Variants in MTMR7 observed in about 807,000 individuals in gnomAD.
MTMR7 encodes myotubularin related protein 7.
MTMR7 carries 76 observed loss-of-function variants against 81.2 expected under a neutral mutation model. The observed-to-expected ratio is 0.94, with a 90% CI of 0.78 to 1.13. The LOEUF is 1.13. Ranked by LOEUF, MTMR7 falls within the 50% of genes most tolerant of loss-of-function variation. MTMR7 has a pLI of 0.00. For synonymous variants in MTMR7, 372 were observed against 289.8 expected (o/e 1.28, Z -2.88); for missense variants, 1,044 against 820.0 (o/e 1.27, Z -3.34).
chr8:17,355,491 A>T (rs188083933), intron 4 of MTMR7, among the ~76,000 whole-genome samples: 2 of 152,186 alleles, frequency 1.3e-5, no homozygotes, highest in Non-Finnish European at 2.9e-5. Context: ...CATAATAATC[A>T]TAACTGGTAA....
chr8:17,383,230 A>G (rs2150573501), intron 1 of MTMR7, among the ~76,000 whole-genome samples: 2 of 152,296 alleles, frequency 1.3e-5, no homozygotes, highest in South Asian at 4.2e-4. Flanking sequence ...CAGGCAATCC[A>G]GGATGAATTT....
intron 3 of MTMR7, among the ~76,000 whole-genome samples, chr8:17,368,821 G>A (rs1339346764): frequency 6.6e-6 from 1 of 152,194 alleles, no homozygotes; most frequent in African/African-American, 2.4e-5. Flanking sequence ...CTTAGGTGAT[G>A]GCTTTGATTC....
At chr8:17,410,984 T>A (rs1188057892) in intron 1 of MTMR7, among the ~76,000 whole-genome samples, 1 of 152,182 alleles carries the variant, frequency 6.6e-6, no homozygotes, top group Non-Finnish European at 1.5e-5. Flanking sequence ...GAAGGAAATT[T>A]ACCTATAGTT....
intron 4 of MTMR7, among the ~76,000 whole-genome samples, chr8:17,350,661 A>C (rs546200768): frequency 3.3e-4 from 50 of 152,256 alleles, no homozygotes; most frequent in African/African-American, 1.1e-3. Flanking sequence ...CACCTTTATC[A>C]CTCTGGAAGA....
chr8:17,405,705 C>G (rs530467759), intron 1 of MTMR7, among the ~76,000 whole-genome samples: 2 of 151,822 alleles, frequency 1.3e-5, no homozygotes, highest in Non-Finnish European at 2.9e-5. Flanking sequence ...CCTCCAGACA[C>G]TAAATAATGT....
intron 1 of MTMR7, among the ~76,000 whole-genome samples, chr8:17,378,554 A>G (rs1015473339): frequency 2.6e-5 from 4 of 152,206 alleles, no homozygotes; most frequent in Non-Finnish European, 5.9e-5. Context: ...AGGGAGAGCT[A>G]AGACTAAGGA....
chr8:17,383,954 C>T (rs556748723), intron 1 of MTMR7, among the ~76,000 whole-genome samples: 1 of 152,220 alleles, frequency 6.6e-6, no homozygotes, highest in South Asian at 2.1e-4. Flanking sequence ...TAGAAATTCT[C>T]AAGTCATTTT....
At chr8:17,389,046 G>A (rs1022638035) in intron 1 of MTMR7, among the ~76,000 whole-genome samples, 2 of 152,142 alleles carry the variant, frequency 1.3e-5, no homozygotes, top group African/African-American at 2.4e-5. Context: ...AATAAGCAAA[G>A]CTGCATGATT....
chr8:17,358,678 T>C (rs1029642562), intron 4 of MTMR7, among the ~76,000 whole-genome samples: 2 of 152,148 alleles, frequency 1.3e-5, no homozygotes, highest in African/African-American at 4.8e-5. Flanking sequence ...CTGAATGCAA[T>C]ATAAGGGACT....
At chr8:17,397,633 G>A (rs1380197138) in intron 1 of MTMR7, among the ~76,000 whole-genome samples, 2 of 152,184 alleles carry the variant, frequency 1.3e-5, no homozygotes, top group Admixed American at 1.3e-4. Flanking sequence ...ACCTGCCCAG[G>A]GCCTGGGGGA....
At chr8:17,394,441 G>A (rs1299262718) in intron 1 of MTMR7, among the ~76,000 whole-genome samples, 1 of 152,146 alleles carries the variant, frequency 6.6e-6, no homozygotes, top group African/African-American at 2.4e-5. Flanking sequence ...ACTGAAAGAA[G>A]CCAGTCACAA....
In MTMR7 at chr8:17,304,397, G is replaced by A. The variant is rs1168113154; in HGVS notation, c.1475C>T (p.Pro492Leu). The change falls in exon 12 of 14, where the codon CCA becomes CTA. Residue 492 changes from proline (P) to leucine (L), a missense_variant. Physicochemically the swap from Pro to Leu is moderately conservative, Grantham distance 98. Coordinates refer to ENST00000180173, the MANE Select transcript of MTMR7 (RefSeq NM_004686.5). ...TQGTLHLPTTPCNFMYKFWSG... is the reference protein window; with the variant it reads ...TQGTLHLPTTLCNFMYKFWSG... ...TACATACTTGTACATGAAGTTACAT[G>A]GTGTTGTAGGGAGATGAAGGGTTCC... The A allele has an allele frequency of 1.2e-6, 2 of 1,612,904 alleles. No homozygotes were observed. Among genetic ancestry groups the A allele is most frequent in the Non-Finnish European group, 1.7e-6 (2 of 1,179,092 alleles).
intron 5 of MTMR7, among the ~76,000 whole-genome samples, chr8:17,345,791 C>A (rs1388879692): frequency 6.6e-6 from 1 of 152,224 alleles, no homozygotes; most frequent in African/African-American, 2.4e-5. Flanking sequence ...CTAATCTGAT[C>A]ACCAGTTCCC....
At chr8:17,405,882 C>T (rs553552145) in intron 1 of MTMR7, among the ~76,000 whole-genome samples, 1 of 136,084 alleles carries the variant, frequency 7.3e-6, no homozygotes, top group African/African-American at 2.6e-5. Context: ...ACACACACCA[C>T]AGAGAAAATG....
intron 4 of MTMR7, among the ~76,000 whole-genome samples, chr8:17,353,242 T>C (rs1819780550): frequency 6.6e-6 from 1 of 152,094 alleles, no homozygotes; most frequent in Non-Finnish European, 1.5e-5. Flanking sequence ...AGTAGTCAAA[T>C]TCATAGAAAC....
At chr8:17,308,833 T>G (rs1289003634) in intron 10 of MTMR7, among the ~76,000 whole-genome samples, 2 of 152,136 alleles carry the variant, frequency 1.3e-5, no homozygotes, top group Non-Finnish European at 2.9e-5. Flanking sequence ...GAAGCCTTCA[T>G]CACCACTCCA....
chr8:17,344,410 G>C (rs919475915), intron 5 of MTMR7, among the ~76,000 whole-genome samples: 3 of 152,156 alleles, frequency 2.0e-5, no homozygotes, highest in African/African-American at 7.2e-5. Context: ...TCAGCAGTTC[G>C]AGACCAGCCT....
At chr8:17,323,750 G>A (rs879040877) in intron 7 of MTMR7, among the ~76,000 whole-genome samples, 4 of 151,986 alleles carry the variant, frequency 2.6e-5, no homozygotes, top group East Asian at 1.9e-4. Context: ...AGCAAATATC[G>A]AACTGCCAAA....
chr8:17,374,361 G>A lies in MTMR7; in HGVS notation c.25-1121C>T, dbSNP rs372884777. Among the ~76,000 whole-genome samples the A allele has an allele frequency of 1.5e-4, 23 of 152,020 alleles. No individual in the cohort carries two copies. In the East Asian group the frequency reaches 2.7e-3, roughly 18 times the overall value. On this transcript the variant is annotated intron_variant, in intron 1 of 13. Transcript: ENST00000180173. Reference sequence around the variant, plus strand: ...AAATTGGCCGGGAGCGGTGGCTCACGCCTGTAATCCCAGCACTTTGGGAGG... The same window carrying A: ...AAATTGGCCGGGAGCGGTGGCTCACACCTGTAATCCCAGCACTTTGGGAGG...
Sources: gnomAD v4.1 joint callset for allele counts (sites outside exome capture counted in the v4.1 genomes callset) on GRCh38, gnomAD v4.1.1 for gene constraint, MANE v1.5 for transcripts, NCBI Gene and HGNC (gene_info 2026-07-23, HGNC 2026-07-21) for gene names.